The following LZTR1 variants were observed in gnomAD, a reference collection of about 807,000 sequenced individuals.
LZTR1 encodes the protein leucine-zipper-like transcriptional regulator 1.
A neutral mutation model predicts 105.7 loss-of-function variants in LZTR1; 260 were observed. The ratio of observed to expected loss-of-function variants is 2.46; its 90% CI spans 2.22 to 2.72. The LOEUF (loss-of-function observed/expected upper bound fraction) is 2.72, where lower values mean the gene tolerates loss of function less well. LZTR1 is among the 30% of genes most tolerant of loss of function. The pLI, the probability that LZTR1 is intolerant of heterozygous loss-of-function variation, is 0.00. For synonymous variants in LZTR1, 490 were observed against 476.4 expected (o/e 1.03, Z -0.37); for missense variants, 1,214 against 1,166.9 (o/e 1.04, Z -0.59).
chr22:20,997,102 T>C, intron 20 of LZTR1, 130 bp from the exon 21 acceptor site: 4 of 1,120,562 alleles, frequency 3.6e-6, no homozygotes, highest in Non-Finnish European at 4.0e-6. Flanking sequence ...AGCCCATCAC[T>C]GGCCGCACCT....
intron 3 of LZTR1, chr22:20,986,360 AAGATAGATAGACAGATGAT>A: frequency 6.4e-6 from 1 of 156,270 alleles, no homozygotes; most frequent in South Asian, 1.9e-4. Context: ...CCTGTCTAGG[AAGATAGATAGACAGATGAT>A]AGATAGATAG....
intron 1 of LZTR1, among the ~76,000 whole-genome samples, 181 bp downstream of exon 1, chr22:20,982,752 G>A (rs942734650): frequency 2.0e-5 from 3 of 152,286 alleles, no homozygotes; most frequent in African/African-American, 7.2e-5. Flanking sequence ...CCCAGAGCCC[G>A]ATGTCCCGGG....
At chr22:20,984,266 A>T (rs981131945) in intron 2 of LZTR1, among the ~76,000 whole-genome samples, 1 of 152,196 alleles carries the variant, frequency 6.6e-6, no homozygotes, top group Non-Finnish European at 1.5e-5. Flanking sequence ...TTACCATTGT[A>T]TCCTGGCATC....
chr22:20,993,773 AC>A lies in LZTR1; in HGVS notation c.1353+22del, dbSNP rs1253450897. The A allele has an allele frequency of 6.2e-7, 1 of 1,606,168 alleles. No individual in the cohort carries two copies. Among genetic ancestry groups the A allele is most frequent in the East Asian group, 2.2e-5 (1 of 44,668 alleles). ...GGGTGAGGTGGGTGCCTGTCCTCGCACCCTGCTCTGCCTGCTGTGCCTGGGC... is the reference window on the plus strand; with the variant it reads ...GGGTGAGGTGGGTGCCTGTCCTCGCACCTGCTCTGCCTGCTGTGCCTGGGC... On this transcript the variant is annotated intron_variant, in intron 12 of 20. Coordinates refer to ENST00000646124, the MANE Select transcript of LZTR1 (RefSeq NM_006767.4).
chr22:20,988,035 C>G lies in LZTR1; in HGVS notation c.426C>G (p.Ser142=). ...GGGGTTACACTGGGGACATTTATTC[C>G]AATTCTAACTTGAAGAATAAAAACG... ...VFGGYTGDIY[S]NSNLKNKNDL... is the part of the protein sequence containing the mutation. The change falls in exon 5 of 21, where the codon TCC becomes TCG. Residue 142 remains serine (S), a synonymous_variant. Transcript: ENST00000646124. 1 of 1,609,722 alleles carries G rather than the reference C, an allele frequency of 6.2e-7. No individual in the cohort carries two copies. Among genetic ancestry groups the G allele is most frequent in the Non-Finnish European group, 8.5e-7 (1 of 1,176,076 alleles).
rs867902139 is a variant in LZTR1, at chr22:20,988,021, G to A, written c.412G>A (p.Gly138Arg). 6.2e-7 allele frequency: 1 copy of A among 1,602,320 alleles called. No individual in the cohort carries two copies. The highest frequency in any genetic ancestry group is 8.6e-7 in the Non-Finnish European group (1 of 1,169,426). Residue 138 changes from glycine (G) to arginine (R), a missense_variant, in exon 5 of 21, where the codon GGG becomes AGG. Physicochemically the swap from Gly to Arg is moderately radical, Grantham distance 125 (BLOSUM62 -2). Transcript: ENST00000646124. Reference protein sequence around the residue: ...SSMFVFGGYTGDIYSNSNLKN... With the variant: ...SSMFVFGGYTRDIYSNSNLKN... ...CTCTCTTTACTCAGGGGGTTACACT[G>A]GGGACATTTATTCCAATTCTAACTT...
In LZTR1 at chr22:20,994,251, A is replaced by G; in HGVS notation, c.1597A>G (p.Ile533Val). The G allele has an allele frequency of 6.3e-7, 1 of 1,598,826 alleles. No homozygotes were observed. The highest frequency in any genetic ancestry group is 1.3e-5 in the African/African-American group (1 of 75,040). ...CATGCAGTTCCTCTACACCGACAAG[A>G]TCAAATACCCACGGAAAGGTCCGCC... is the stretch of plus-strand genomic sequence containing the variant. The part of the protein sequence containing the change: ...VLMQFLYTDK[I>V]KYPRKGHVED... The change falls in exon 14 of 21, where the codon ATC becomes GTC. Residue 533 changes from isoleucine (I) to valine (V), a missense_variant. Ile to Val is a conservative substitution (Grantham distance 29, BLOSUM62 3). Transcript: ENST00000646124.
intron 3 of LZTR1, chr22:20,986,210 A>G (rs1264977754): frequency 7.1e-6 from 2 of 280,148 alleles, no homozygotes; most frequent in African/African-American, 4.4e-5. Flanking sequence ...CTCACACTTG[A>G]TTTTGTAAGA....
chr22:20,991,736 G>C lies in LZTR1; in HGVS notation c.900G>C (p.Gly300=). ...TTGACCGCCACCTCTATGTGTTTGG[G>C]GGTGCGGCCGACAACACGCTGCCCA... ...VAFDRHLYVF[G]GAADNTLPNE... is the part of the protein sequence containing the mutation. Residue 300 remains glycine (G), a synonymous_variant, in exon 9 of 21, where the codon GGG becomes GGC. Coordinates refer to ENST00000646124, the MANE Select transcript of LZTR1 (RefSeq NM_006767.4). 6.3e-7 allele frequency: 1 copy of C among 1,574,834 alleles called. No individual in the cohort carries two copies.
chr22:20,985,732 C>G, intron 2 of LZTR1, 109 bp from the exon 3 acceptor site: 1 of 987,512 alleles, frequency 1.0e-6, no homozygotes, highest in Non-Finnish European at 1.6e-6. Flanking sequence ...GTTAGTGACC[C>G]AGCCCACAAC....
At position 20,990,514 on chromosome 22, in the gene LZTR1, C is replaced by G. The variant is rs1272024102; in HGVS notation, c.780C>G (p.Phe260Leu). Residue 260 changes from phenylalanine (F) to leucine (L), a missense_variant, in exon 8 of 21, where the codon TTC becomes TTG. Physicochemically the swap from Phe to Leu is conservative, Grantham distance 22. Coordinates refer to ENST00000646124, the MANE Select transcript of LZTR1 (RefSeq NM_006767.4). ...CCAACAACCTCTTCCAGTTTGAATT[C>G]AAGGACAAGACGTGAGTACTCTGGC... ...KITNNLFQFE[F>L]KDKTWTRIPT... 3 of 1,611,682 alleles carry G rather than the reference C, an allele frequency of 1.9e-6. No individual in the cohort carries two copies. In the African/African-American group the frequency reaches 4.0e-5, roughly 22 times the overall value.
rs547841867 is a variant in LZTR1 at position 20,996,427 on chromosome 22, G to A, written c.2220-269G>A. 5.6e-5 allele frequency: 33 copies of A among 591,990 alleles called. No individual in the cohort carries two copies. The South Asian group carries it at 6.3e-4, about 11-fold the overall frequency. The allele number at this position is 591,990 out of a possible 1,614,324, so 36.7% of individuals were successfully genotyped here. On this transcript the variant is annotated intron_variant, in intron 18 of 20. Transcript: ENST00000646124. ...GTACTCCTTATGTCACTTCAGTAGGGGTCTGAACATGGAGGGTCAGGATGC... is the reference window on the plus strand; with the variant it reads ...GTACTCCTTATGTCACTTCAGTAGGAGTCTGAACATGGAGGGTCAGGATGC...
Position 20,996,189 on chromosome 22 carries a change from G to A in LZTR1, c.2219+77G>A, listed in dbSNP as rs1043266064. ...CCCACCTCAGGTGGCTTTGAGGCCC[G>A]CTCTCCTGCCCCAGCTAGGTGATCT... On this transcript the variant is annotated intron_variant, in intron 18 of 20. Coordinates refer to ENST00000646124, the MANE Select transcript of LZTR1 (RefSeq NM_006767.4). The A allele has an allele frequency of 6.2e-5, 93 of 1,494,564 alleles. No homozygotes were observed. In the East Asian group the frequency reaches 9.3e-4, roughly 15 times the overall value. 92.6% of individuals were successfully genotyped at this position (1,494,564 alleles called of 1,614,324 possible).
At chr22:20,993,270 G>GAT in intron 11 of LZTR1, 1 of 428,332 alleles carries the variant, frequency 2.3e-6, no homozygotes, top group South Asian at 2.8e-5. Context: ...CAGGTGGTCA[G>GAT]GGCAGGGACT....
chr22:20,991,551 A>G (rs1924605127), intron 8 of LZTR1, 77 bp from the exon 9 acceptor site: 1 of 1,178,502 alleles, frequency 8.5e-7, no homozygotes, highest in Non-Finnish European at 1.2e-6. Context: ...CCTCCCAGTG[A>G]AGGCCTGCTG....
chr22:20,996,826 G>A (rs766960121), intron 19 of LZTR1, 25 bp downstream of exon 19: 1 of 1,612,970 alleles, frequency 6.2e-7, no homozygotes, highest in South Asian at 1.1e-5. Context: ...CCGTGCACAT[G>A]GCTGCAGCTC....
rs1237041857 is a variant in LZTR1 at position 20,985,829 on chromosome 22, G to C, written c.264-12G>C. On this transcript the variant is annotated splice_polypyrimidine_tract_variant and intron_variant, in intron 2 of 20. Transcript: ENST00000646124. ...CTGGCTAATGCCACCCTCTCTTCCG[G>C]CTGCCTTTCAGGAAGACCATGCTCA... 22 of 1,613,780 alleles carry C rather than the reference G, an allele frequency of 1.4e-5. No individual in the cohort carries two copies. The highest frequency in any genetic ancestry group is 1.8e-5 in the Non-Finnish European group (21 of 1,179,880).
chr22:20,985,938 G>A (rs746335571), intron 3 of LZTR1, 41 bp downstream of exon 3: 74 of 1,594,376 alleles, frequency 4.6e-5, no homozygotes, highest in Non-Finnish European at 6.2e-5. Context: ...TTTCCTCCTA[G>A]AACACAGTGG....
rs775102121 is a variant in LZTR1 at position 20,990,525 on chromosome 22, C to T, written c.791C>T (p.Thr264Met). The change falls in exon 8 of 21, where the codon ACG (threonine) becomes ATG (methionine). Residue 264 changes from threonine to methionine, a missense_variant and splice_region_variant. Physicochemically the swap from Thr to Met is moderately conservative, Grantham distance 81. Coordinates refer to ENST00000646124, the MANE Select transcript of LZTR1 (RefSeq NM_006767.4). The stretch of plus-strand genomic sequence containing the variant: ...TTCCAGTTTGAATTCAAGGACAAGA[C>T]GTGAGTACTCTGGCCAGTGGGGTGG... ...NLFQFEFKDK[T>M]WTRIPTEHLL... 30 of 1,608,082 alleles carry T rather than the reference C, an allele frequency of 1.9e-5. No homozygotes were observed. The highest frequency in any genetic ancestry group is 2.6e-5 in the Non-Finnish European group (30 of 1,176,428).
Sources: gnomAD v4.1 joint callset for allele counts (sites outside exome capture counted in the v4.1 genomes callset) on GRCh38, gnomAD v4.1.1 for gene constraint, MANE v1.5 for transcripts, NCBI Gene and HGNC (gene_info 2026-07-23, HGNC 2026-07-21) for gene names.